SLC1A2: variants seen among roughly 807,000 people sequenced by gnomAD.
SLC1A2 encodes the protein solute carrier family 1 member 2.
A neutral mutation model predicts 48.8 loss-of-function variants in SLC1A2; 15 were observed. The observed-to-expected ratio is 0.31, with a 90% CI of 0.21 to 0.47. SLC1A2 has a LOEUF of 0.47. Ranked by LOEUF, SLC1A2 falls within the 20% of genes least tolerant of loss-of-function variation. The probability of loss-of-function intolerance (pLI) is 0.99; values close to 1 mark genes in which losing one functional copy is unlikely to be tolerated. For synonymous variants in SLC1A2, 279 were observed against 272.6 expected, an observed-to-expected ratio of 1.02 and a Z score of -0.23; for missense variants, 502 against 730.5, an observed-to-expected ratio of 0.69 and a Z score of 3.61.
At chr11:35,306,709 C>T (rs1378144732) in intron 4 of SLC1A2, among the ~76,000 whole-genome samples, 2 of 152,140 alleles carry the variant, frequency 1.3e-5, no homozygotes, top group Non-Finnish European at 2.9e-5. Flanking sequence ...CCCTTCCTAG[C>T]CTCTGTTATC....
intron 1 of SLC1A2, among the ~76,000 whole-genome samples, chr11:35,365,990 C>A: frequency 6.6e-6 from 1 of 152,174 alleles, no homozygotes; most frequent in Non-Finnish European, 1.5e-5. Context: ...TGCTATAATG[C>A]ATAAAACAGT....
chr11:35,362,391 T>C (rs765108269), intron 1 of SLC1A2, among the ~76,000 whole-genome samples: 1 of 152,188 alleles, frequency 6.6e-6, no homozygotes, highest in Non-Finnish European at 1.5e-5. Flanking sequence ...TAGATAAATA[T>C]GTTAAAATAA....
At chr11:35,394,338 C>A (rs1854884994) in intron 1 of SLC1A2, among the ~76,000 whole-genome samples, 1 of 152,144 alleles carries the variant, frequency 6.6e-6, no homozygotes, top group Non-Finnish European at 1.5e-5. Context: ...GGATCTGCCC[C>A]ATTGCTCTGG....
At chr11:35,309,381 G>A (rs2134849132) in intron 4 of SLC1A2, among the ~76,000 whole-genome samples, 1 of 152,316 alleles carries the variant, frequency 6.6e-6, no homozygotes, top group South Asian at 2.1e-4. Flanking sequence ...ACAGATCACG[G>A]AATTTTCTGG....
At chr11:35,303,159 A>G (rs1456799984) in intron 5 of SLC1A2, among the ~76,000 whole-genome samples, 1 of 151,874 alleles carries the variant, frequency 6.6e-6, no homozygotes, top group Non-Finnish European at 1.5e-5. Flanking sequence ...TTATAATTTG[A>G]TTCTCTTATA....
chr11:35,279,466 G>A (rs78005211), intron 9 of SLC1A2, among the ~76,000 whole-genome samples: 283 of 152,236 alleles, frequency 1.9e-3, no homozygotes, highest in Non-Finnish European at 3.2e-3. Context: ...CTTTCACCAC[G>A]CCCTGCCTCC....
intron 7 of SLC1A2, among the ~76,000 whole-genome samples, chr11:35,289,142 A>G (rs1191562540): frequency 6.6e-6 from 1 of 152,214 alleles, no homozygotes; most frequent in Non-Finnish European, 1.5e-5. Flanking sequence ...TGGAGGGCTG[A>G]AGACAGGTCA....
intron 1 of SLC1A2, among the ~76,000 whole-genome samples, chr11:35,374,054 T>C (rs547420311): frequency 5.3e-5 from 8 of 152,230 alleles, no homozygotes; most frequent in Non-Finnish European, 1.2e-4. Context: ...AGTGGGATTA[T>C]GTTAGTAGAT....
At chr11:35,411,793 T>G (rs1252743948) in intron 1 of SLC1A2, among the ~76,000 whole-genome samples, 1 of 152,224 alleles carries the variant, frequency 6.6e-6, no homozygotes, top group African/African-American at 2.4e-5. Context: ...CATCTACAAA[T>G]AGGTTTGACA....
chr11:35,416,090 A>G (rs1471841365), intron 1 of SLC1A2, among the ~76,000 whole-genome samples: 2 of 152,242 alleles, frequency 1.3e-5, no homozygotes, highest in Admixed American at 1.3e-4. Context: ...ACTACCAAAG[A>G]GTCCACTATT....
At chr11:35,298,056 A>C (rs1591441864) in intron 6 of SLC1A2, 1 of 152,236 alleles carries the variant, frequency 6.6e-6, no homozygotes, top group African/African-American at 2.4e-5. Context: ...ACTTCCGTAC[A>C]GCTCCATAAC....
chr11:35,419,371 A>G lies in SLC1A2; in HGVS notation c.-405T>C, dbSNP rs895123041. ...CGCGGGCGCGGCGAGTGGCGGGAGC[A>G]GAGAGTGGTGGCAGAGGACGGTGAG... On this transcript the variant is annotated 5_prime_UTR_variant, in exon 1 of 11. Coordinates refer to ENST00000278379, the MANE Select transcript of SLC1A2 (RefSeq NM_004171.4). The surrounding 1 kb of genome is among the most constrained non-coding windows in gnomAD (Gnocchi z 5.4). The G allele has an allele frequency of 2.8e-5, 6 of 213,840 alleles. No individual in the cohort carries two copies. The highest frequency in any genetic ancestry group is 4.6e-5 in the Non-Finnish European group (5 of 109,336). The allele number at this position is 213,840 out of a possible 1,614,324, so 13.2% of individuals were successfully genotyped here. A position where few individuals can be genotyped will look rare whatever the true frequency, so the allele number is the denominator to read the frequency against.
At chr11:35,400,906 C>A (rs1384455441) in intron 1 of SLC1A2, among the ~76,000 whole-genome samples, 4 of 151,528 alleles carry the variant, frequency 2.6e-5, no homozygotes, top group Admixed American at 2.6e-4. Flanking sequence ...TGTTTACACA[C>A]TTTATACATT....
At chr11:35,333,924 C>T (rs894610858) in intron 1 of SLC1A2, among the ~76,000 whole-genome samples, 1 of 151,470 alleles carries the variant, frequency 6.6e-6, no homozygotes, top group Non-Finnish European at 1.5e-5. Flanking sequence ...AGTAATCTAC[C>T]TGCCTTGGCC....
intron 4 of SLC1A2, among the ~76,000 whole-genome samples, chr11:35,309,538 C>A (rs1018743387): frequency 1.3e-5 from 2 of 152,202 alleles, no homozygotes; most frequent in African/African-American, 4.8e-5. Flanking sequence ...CTCACAAAGA[C>A]ACAGGGACTT....
intron 3 of SLC1A2, among the ~76,000 whole-genome samples, chr11:35,313,623 T>C (rs1851776894): frequency 6.6e-6 from 1 of 152,188 alleles, no homozygotes; most frequent in East Asian, 1.9e-4. Flanking sequence ...CCTACTTCTC[T>C]TTACAACCTA....
intron 9 of SLC1A2, among the ~76,000 whole-genome samples, chr11:35,279,885 C>T (rs944288294): frequency 3.9e-5 from 6 of 152,202 alleles, no homozygotes; most frequent in South Asian, 2.1e-4. Flanking sequence ...TGATATTCTC[C>T]GCTCTGTCCT....
chr11:35,302,594 C>T (rs112907413), intron 5 of SLC1A2, among the ~76,000 whole-genome samples: 95 of 152,244 alleles, frequency 6.2e-4, no homozygotes, highest in Middle Eastern at 3.4e-3. Context: ...AACCATGAGT[C>T]TTACTTCTGT....
intron 1 of SLC1A2, among the ~76,000 whole-genome samples, chr11:35,409,943 C>A (rs887639567): frequency 6.6e-6 from 1 of 151,880 alleles, no homozygotes; most frequent in Non-Finnish European, 1.5e-5. Context: ...ATAAATAAAC[C>A]TAAGGAAGAT....
Sources: gnomAD v4.1 joint callset for allele counts (sites outside exome capture counted in the v4.1 genomes callset) on GRCh38, gnomAD v4.1.1 for gene constraint, Gnocchi (gnomAD v3.1) non-coding constraint, MANE v1.5 for transcripts, NCBI Gene and HGNC (gene_info 2026-07-23, HGNC 2026-07-21) for gene names.